Variants in NR6A1 observed in about 807,000 individuals in gnomAD.
NR6A1 encodes the protein retinoic acid receptor-related testis-associated receptor.
Under a neutral mutation model 59.1 loss-of-function variants are expected in NR6A1, and 7 were observed. That is an observed-to-expected ratio of 0.12 (90% CI 0.07 to 0.22). The LOEUF is 0.22. Ranked by LOEUF, NR6A1 falls within the 10% of genes least tolerant of loss-of-function variation. NR6A1 has a pLI of 1.00. For missense variants in NR6A1, 468 were observed against 611.6 expected, an observed-to-expected ratio of 0.77 and a Z score of 2.48; for synonymous variants, 243 against 236.1, an observed-to-expected ratio of 1.03 and a Z score of -0.27.
chr9:124,638,535 C>G (rs1240310251), intron 2 of NR6A1, among the ~76,000 whole-genome samples: 4 of 152,226 alleles, frequency 2.6e-5, no homozygotes, highest in South Asian at 4.2e-4. Flanking sequence ...TGTGTATCAT[C>G]AAATCTGACA....
At chr9:124,750,366 A>T (rs1840460368) in intron 1 of NR6A1, among the ~76,000 whole-genome samples, 1 of 152,198 alleles carries the variant, frequency 6.6e-6, no homozygotes, top group Admixed American at 6.5e-5. Context: ...CCCATTGGCA[A>T]GGATTTGTCC....
intron 2 of NR6A1, chr9:124,599,692 A>C: frequency 1.4e-6 from 1 of 716,822 alleles, no homozygotes; most frequent in Non-Finnish European, 1.9e-6. Context: ...AGTCCAAATT[A>C]TGAATGGCAG....
intron 2 of NR6A1, among the ~76,000 whole-genome samples, chr9:124,726,274 T>C (rs775163772): frequency 2.6e-5 from 4 of 152,184 alleles, no homozygotes; most frequent in Non-Finnish European, 4.4e-5. Flanking sequence ...CTAAAATCCT[T>C]TGAAAAAGCC....
intron 2 of NR6A1, among the ~76,000 whole-genome samples, chr9:124,589,427 A>C (rs1014285606): frequency 2.0e-5 from 3 of 152,202 alleles, no homozygotes; most frequent in Non-Finnish European, 4.4e-5. Context: ...GCCTGGGCGA[A>C]AGAGCGAGAC....
Position 124,678,463 on chromosome 9 carries a change from G to A in NR6A1, c.142+54845C>T, listed in dbSNP as rs564893888. 6.0e-4 allele frequency among the ~76,000 whole-genome samples: 91 copies of A among 152,260 alleles called. 1 individual carries two copies. In the South Asian group the frequency reaches 0.018, roughly 31 times the overall value. The stretch of plus-strand genomic sequence containing the variant: ...GCTCATGCAAACCAAGCACTTCTGG[G>A]GACAACTGGAGAACAATGGAGTGAG... On this transcript the variant is annotated intron_variant, in intron 2 of 9. Coordinates refer to ENST00000487099, the MANE Select transcript of NR6A1 (RefSeq NM_033334.4).
intron 2 of NR6A1, among the ~76,000 whole-genome samples, chr9:124,655,830 A>G (rs949528229): frequency 1.3e-5 from 2 of 152,232 alleles, no homozygotes; most frequent in South Asian, 2.1e-4. Context: ...AAGCCCTCAC[A>G]TGATTTTAAG....
chr9:124,751,408 T>C (rs1039074868), intron 1 of NR6A1, among the ~76,000 whole-genome samples: 13 of 152,212 alleles, frequency 8.5e-5, no homozygotes, highest in Non-Finnish European at 1.9e-4. Context: ...TTCTTCTAGA[T>C]AGAGCACATA....
In NR6A1 at chr9:124,733,418, G is replaced by A. The variant is rs142362496; in HGVS notation, c.101-69C>T. The A allele has an allele frequency of 3.5e-4, 409 of 1,164,954 alleles. 4 individuals carry two copies. The African/African-American group carries it at 5.1e-3, about 15-fold the overall frequency. The allele number at this position is 1,164,954 out of a possible 1,614,324, so 72.2% of individuals were successfully genotyped here. ...ACTTCAAGCTGACTCCAAATATGAA[G>A]TATCATACAGTTGGGGGGAAATCTA... On this transcript the variant is annotated intron_variant, in intron 1 of 9. Coordinates refer to ENST00000487099, the MANE Select transcript of NR6A1 (RefSeq NM_033334.4).
chr9:124,682,291 C>G (rs546009025), intron 2 of NR6A1, among the ~76,000 whole-genome samples: 1 of 152,108 alleles, frequency 6.6e-6, no homozygotes, highest in Non-Finnish European at 1.5e-5. Flanking sequence ...CATCAGCCAT[C>G]GCGCCTGGCC....
intron 1 of NR6A1, among the ~76,000 whole-genome samples, chr9:124,745,805 C>T (rs1222375215): frequency 3.3e-5 from 5 of 150,786 alleles, no homozygotes; most frequent in African/African-American, 1.2e-4. Context: ...ACACAGGAAA[C>T]TCCATCTCTA....
chr9:124,683,123 G>C (rs1412563337), intron 2 of NR6A1, among the ~76,000 whole-genome samples: 1 of 152,060 alleles, frequency 6.6e-6, no homozygotes, highest in Non-Finnish European at 1.5e-5. Flanking sequence ...GATCACTTGA[G>C]CTCAGGAGGT....
intron 6 of NR6A1, 45 bp from the exon 7 acceptor site, chr9:124,536,177 G>T (rs578215893): frequency 6.3e-7 from 1 of 1,589,984 alleles, no homozygotes; most frequent in Admixed American, 1.7e-5. Context: ...TGGTCAGAGG[G>T]TGAGGATAAG....
chr9:124,615,538 G>A (rs537775401), intron 2 of NR6A1, among the ~76,000 whole-genome samples: 6 of 152,052 alleles, frequency 3.9e-5, no homozygotes, highest in East Asian at 1.9e-4. Context: ...CAACTATTTC[G>A]TAATCCTAAT....
chr9:124,768,027 G>A (rs866289647), intron 1 of NR6A1, among the ~76,000 whole-genome samples: 1 of 152,198 alleles, frequency 6.6e-6, no homozygotes, highest in Non-Finnish European at 1.5e-5. Flanking sequence ...AGCAACAACT[G>A]AAAATAGCGC....
At chr9:124,630,210 G>GTTTTT (rs71372979) in intron 2 of NR6A1, among the ~76,000 whole-genome samples, 31 of 95,356 alleles carry the variant, frequency 3.3e-4, no homozygotes, top group African/African-American at 5.8e-4. Context: ...CTCCAAATCA[G>GTTTTT]TTTTTTTTTT....
At chr9:124,535,238 T>C (rs1833221009) in intron 7 of NR6A1, among the ~76,000 whole-genome samples, 3 of 152,126 alleles carry the variant, frequency 2.0e-5, no homozygotes, top group African/African-American at 7.2e-5. Context: ...GTAGGCAGAA[T>C]TTATATTTTT....
chr9:124,654,875 T>TAC (rs3983841), intron 2 of NR6A1, among the ~76,000 whole-genome samples: 32,971 of 123,722 alleles, frequency 0.27, 4,297 homozygotes, highest in South Asian at 0.33. Flanking sequence ...TTTTTTTTTG[T>TAC]ACACACACAC....
intron 2 of NR6A1, among the ~76,000 whole-genome samples, chr9:124,654,476 C>T (rs960655396): frequency 6.6e-6 from 1 of 152,206 alleles, no homozygotes; most frequent in African/African-American, 2.4e-5. Context: ...TTTAGCCATA[C>T]TACCCTTTTG....
At chr9:124,676,335 G>A (rs757518855) in intron 2 of NR6A1, among the ~76,000 whole-genome samples, 7 of 152,078 alleles carry the variant, frequency 4.6e-5, no homozygotes, top group African/African-American at 7.2e-5. Context: ...TTTGGCAGCT[G>A]CACTATGTAC....
Sources: gnomAD v4.1 joint callset for allele counts (sites outside exome capture counted in the v4.1 genomes callset) on GRCh38, gnomAD v4.1.1 for gene constraint, MANE v1.5 for transcripts, NCBI Gene and HGNC (gene_info 2026-07-23, HGNC 2026-07-21) for gene names.